Variants in CAMK2G observed in about 807,000 individuals in gnomAD.
The protein encoded by CAMK2G is calcium/calmodulin dependent protein kinase II gamma, also known as calcium/calmodulin-dependent protein kinase type II subunit gamma.
In CAMK2G, 23 loss-of-function variants were observed where a neutral mutation model predicts 88.7. That is an observed-to-expected ratio of 0.26 (90% confidence interval 0.19 to 0.37). The LOEUF (loss-of-function observed/expected upper bound fraction) is 0.37. Among genes scored for constraint, CAMK2G ranks in the 10% least tolerant of loss-of-function variants. CAMK2G has a pLI of 1.00. For synonymous variants in CAMK2G, 263 were observed against 294.8 expected, an observed-to-expected ratio of 0.89 and a Z score of 1.11; for missense variants, 476 against 780.8, an observed-to-expected ratio of 0.61 and a Z score of 4.65.
chr10:73,865,179 A>C (rs2095540246), intron 2 of CAMK2G, among the ~76,000 whole-genome samples: 1 of 152,208 alleles, frequency 6.6e-6, no homozygotes, highest in Non-Finnish European at 1.5e-5. Flanking sequence ...ACAGCAACTA[A>C]GCCCTCCTGC....
chr10:73,841,821 T>G, intron 12 of CAMK2G: 1 of 231,644 alleles, frequency 4.3e-6, no homozygotes, highest in South Asian at 8.0e-5. Context: ...CATCTCTCTT[T>G]TCTTCCCCCA....
chr10:73,838,778 G>A (rs1166963132), intron 13 of CAMK2G, among the ~76,000 whole-genome samples: 2 of 152,096 alleles, frequency 1.3e-5, no homozygotes, highest in East Asian at 1.9e-4. Context: ...AGCTCTCAAC[G>A]CTGGTTGCCC....
At chr10:73,838,551 A>G (rs2093469207) in intron 13 of CAMK2G, among the ~76,000 whole-genome samples, 1 of 152,100 alleles carries the variant, frequency 6.6e-6, no homozygotes, top group Admixed American at 6.6e-5. Context: ...CGTTGTCACT[A>G]TTGCTGCCAC....
intron 21 of CAMK2G, chr10:73,816,620 C>A (rs1026254958): frequency 4.7e-6 from 3 of 633,732 alleles, no homozygotes; most frequent in Non-Finnish European, 7.0e-6. Context: ...CCACCACGCC[C>A]GGCTAATTTT....
At chr10:73,827,986 T>A in intron 15 of CAMK2G, 103 bp downstream of exon 15, 1 of 924,778 alleles carries the variant, frequency 1.1e-6, no homozygotes, top group South Asian at 1.3e-5. Context: ...AGACATGCAG[T>A]GAGGATGAGT....
chr10:73,817,068 T>C lies in CAMK2G; in HGVS notation c.1489A>G (p.Asn497Asp), dbSNP rs1302779419. 1.2e-6 allele frequency: 2 copies of C among 1,613,864 alleles called. No homozygotes were observed. Among genetic ancestry groups the C allele is most frequent in the Non-Finnish European group, 1.7e-6 (2 of 1,179,954 alleles). The change falls in exon 21 of 23, where the codon AAC (asparagine) becomes GAC (aspartate). Residue 497 changes from asparagine to aspartate, a missense_variant. Asn to Asp is a conservative substitution (Grantham distance 23, BLOSUM62 1). Transcript: ENST00000423381. ...LTSFEPEALGNLVEGMDFHKF... is the reference protein window; with the variant it reads ...LTSFEPEALGDLVEGMDFHKF... ...TGGAAATCCATCCCCTCCACGAGGTTACCAAGGGCCTCAGGCTCAAAGGAA... is the reference window on the plus strand; with the variant it reads ...TGGAAATCCATCCCCTCCACGAGGTCACCAAGGGCCTCAGGCTCAAAGGAA...
intron 21 of CAMK2G, chr10:73,816,331 A>C (rs2085483358): frequency 1.0e-6 from 1 of 996,500 alleles, no homozygotes. Context: ...GCACATTCTT[A>C]TCCTGGTTTT....
intron 2 of CAMK2G, among the ~76,000 whole-genome samples, chr10:73,862,304 C>T (rs1052925591): frequency 2.1e-5 from 3 of 146,198 alleles, no homozygotes; most frequent in Admixed American, 6.8e-5. Flanking sequence ...TCCACCCCCC[C>T]CCCCCCCGAT....
intron 14 of CAMK2G, among the ~76,000 whole-genome samples, chr10:73,829,901 C>G (rs1384372850): frequency 1.3e-5 from 2 of 152,142 alleles, no homozygotes; most frequent in African/African-American, 4.8e-5. Context: ...TGGTTTTTCC[C>G]CAGGCTAAAG....
Position 73,815,376 on chromosome 10 carries a change from C to CG in CAMK2G, c.1535-130_1535-129insC, listed in dbSNP as rs1364393314. 1.5e-4 allele frequency: 99 copies of CG among 654,736 alleles called. 1 individual carries two copies. The South Asian group carries it at 1.7e-3, about 11-fold the overall frequency. The allele number at this position is 654,736 out of a possible 1,614,324, so 40.6% of individuals were successfully genotyped here. A position where few individuals can be genotyped will look rare whatever the true frequency, so the allele number is the denominator to read the frequency against. ...CCAGAATCTCCAAGTACCGCCCCCC[C>CG]CCACCCCCGAACCCCTGAACGCCCT... On this transcript the variant is annotated intron_variant, in intron 21 of 22. Transcript: ENST00000423381.
chr10:73,843,685 G>A (rs2093994189), intron 10 of CAMK2G, among the ~76,000 whole-genome samples: 1 of 152,022 alleles, frequency 6.6e-6, no homozygotes, highest in Admixed American at 6.6e-5. Flanking sequence ...CTGCAGCCAG[G>A]TGCCCACCAA....
intron 15 of CAMK2G, among the ~76,000 whole-genome samples, chr10:73,826,203 C>T (rs1166420024): frequency 6.6e-6 from 1 of 152,126 alleles, no homozygotes; most frequent in African/African-American, 2.4e-5. Context: ...GAGGCCAAGG[C>T]GGGTGGATCA....
intron 17 of CAMK2G, among the ~76,000 whole-genome samples, chr10:73,823,715 C>T (rs1289348567): frequency 6.6e-6 from 1 of 152,298 alleles, no homozygotes; most frequent in Non-Finnish European, 1.5e-5. Flanking sequence ...TGGAGATACT[C>T]TTGCCTATTT....
In CAMK2G at chr10:73,872,995, C is replaced by G. The variant is rs1261016658; in HGVS notation, c.154G>C (p.Ala52Pro). 2 of 1,607,292 alleles carry G rather than the reference C, an allele frequency of 1.2e-6. No individual in the cohort carries two copies. Among genetic ancestry groups the G allele is most frequent in the Non-Finnish European group, 1.7e-6 (2 of 1,173,668 alleles). The change falls in exon 2 of 23, where the codon GCC becomes CCC. Residue 52 changes from alanine to proline, a missense_variant. Around this residue, in one of 3 missense-constraint regions of CAMK2G, gnomAD observed 164 missense variants for 385.6 expected, o/e 0.43. Coordinates refer to ENST00000423381, the MANE Select transcript of CAMK2G (RefSeq NM_001367534.1). Reference protein sequence around the residue: ...AKIINTKKLSARDHQKLEREA... With the variant: ...AKIINTKKLSPRDHQKLEREA... ...CAAGACAGGGAACACTCACCCCGGG[C>G]AGACAACTTCTTGGTATTGATGATT... is the stretch of plus-strand genomic sequence containing the variant.
At chr10:73,836,728 T>G (rs531038802) in intron 14 of CAMK2G, among the ~76,000 whole-genome samples, 2 of 152,182 alleles carry the variant, frequency 1.3e-5, no homozygotes, top group African/African-American at 4.8e-5. Flanking sequence ...TCCTACCCAA[T>G]GCCCTAGCCC....
intron 21 of CAMK2G, chr10:73,816,610 C>T: frequency 1.7e-6 from 1 of 597,042 alleles, no homozygotes; most frequent in Non-Finnish European, 2.5e-6. Flanking sequence ...ACAGGCACCG[C>T]CACCACGCCC....
At chr10:73,847,171 G>T (rs1307794343) in intron 10 of CAMK2G, 54 bp downstream of exon 10, 8 of 1,590,818 alleles carry the variant, frequency 5.0e-6, no homozygotes, top group Admixed American at 5.0e-5. Flanking sequence ...GGTGCCGAGG[G>T]CACACAGAAG....
At chr10:73,828,175 G>A in intron 14 of CAMK2G, 54 bp from the exon 15 acceptor site, 14 of 1,451,078 alleles carry the variant, frequency 9.6e-6, no homozygotes, top group Non-Finnish European at 1.3e-5. Context: ...GGTAAGAAGA[G>A]AAGCACAGAG....
intron 18 of CAMK2G, among the ~76,000 whole-genome samples, chr10:73,820,584 C>T (rs1306987456): frequency 1.4e-5 from 2 of 144,912 alleles, no homozygotes; most frequent in Non-Finnish European, 3.0e-5. Context: ...GCAACCTCCA[C>T]CTCCCGGGTT....
Sources: allele counts gnomAD v4.1 joint callset (sites outside exome capture counted in the v4.1 genomes callset), GRCh38; gene constraint gnomAD v4.1.1; regional missense constraint gnomAD v4.1.1; transcripts MANE v1.5; gene names NCBI Gene and HGNC (gene_info 2026-07-23, HGNC 2026-07-21).